LRRC19: variants seen among roughly 807,000 people sequenced by gnomAD.
LRRC19 encodes the protein leucine rich repeat containing 19, also known as leucine-rich repeat-containing protein 19.
In LRRC19, 33 loss-of-function variants were observed where a neutral mutation model predicts 33.3. The ratio of observed to expected loss-of-function variants is 0.99; its 90% CI spans 0.75 to 1.33. LRRC19 has a LOEUF of 1.33. LRRC19 is among the 40% of genes most tolerant of loss of function. LRRC19 has a pLI of 0.00. For missense variants in LRRC19, 463 were observed against 417.3 expected, an observed-to-expected ratio of 1.11 and a Z score of -0.95; for synonymous variants, 184 against 152.3, an observed-to-expected ratio of 1.21 and a Z score of -1.53.
intron 3 of LRRC19, among the ~76,000 whole-genome samples, chr9:26,997,068 C>T (rs946908712): frequency 2.6e-5 from 4 of 151,760 alleles, no homozygotes; most frequent in Non-Finnish European, 4.4e-5. Flanking sequence ...AAAAATTAGC[C>T]AGGCGTGGTG....
chr9:26,998,069 A>G lies in LRRC19; in HGVS notation c.254T>C (p.Val85Ala), dbSNP rs780014099. 3.1e-6 allele frequency: 5 copies of G among 1,613,466 alleles called. No homozygotes were observed. The East Asian group carries it at 8.9e-5, about 29-fold the overall frequency. Residue 85 changes from valine (V) to alanine (A), a missense_variant, in exon 3 of 5, where the codon GTT becomes GCT. Val to Ala is a moderately conservative substitution (Grantham distance 64, BLOSUM62 0). Transcript: ENST00000380055. ...AAAACCGTTATTATGTAAGATAGTA[A>G]CCTTGTTCTCAATCAAATAGAGCTC... ...LTELYLIENK[V>A]TILHNNGFGN...
chr9:26,996,461 G>A lies in LRRC19; in HGVS notation c.634C>T (p.Leu212=). 5 of 1,540,710 alleles carry A rather than the reference G, an allele frequency of 3.2e-6. No homozygotes were observed. Among genetic ancestry groups the A allele is most frequent in the Non-Finnish European group, 4.4e-6 (5 of 1,136,300 alleles). Reference sequence around the variant, plus strand: ...ACTGTTTTGATATTGTAGCTCTGCAGGCTGTTGGGGTAGCTACACATGGTG... The same window carrying A: ...ACTGTTTTGATATTGTAGCTCTGCAAGCTGTTGGGGTAGCTACACATGGTG... ...NITMCSYPNS[L]QSYNIKTVPH... The change falls in exon 4 of 5, where the codon CTG becomes TTG. Residue 212 remains leucine (L), a synonymous_variant. Transcript: ENST00000380055.
intron 4 of LRRC19, 49 bp downstream of exon 4, chr9:26,996,262 T>C (rs1828150020): frequency 9.4e-7 from 1 of 1,059,598 alleles, no homozygotes; most frequent in South Asian, 2.6e-5. Flanking sequence ...CCTCAGTTTA[T>C]TTAGTATGAT....
Position 26,996,330 on chromosome 9 carries a change from G to A in LRRC19, c.765C>T (p.Asn255=), listed in dbSNP as rs778748327. The change falls in exon 4 of 5, where the codon AAC becomes AAT. Residue 255 remains asparagine (N), a synonymous_variant. Transcript: ENST00000380055. The part of the protein sequence containing the change: ...ISNSIFNSSS[N]NLTRNSEHEP... ...TATTACCTGAATTTCTTGTTAAGTT[G>A]TTCGAAGAGCTATTAAATATTGAAT... The A allele has an allele frequency of 1.3e-6, 2 of 1,596,012 alleles. No individual in the cohort carries two copies. Among genetic ancestry groups the A allele is most frequent in the South Asian group, 1.1e-5 (1 of 88,550 alleles).
In LRRC19 at chr9:26,996,509, C is replaced by A; in HGVS notation, c.596-10G>T. 7.1e-7 allele frequency: 1 copy of A among 1,414,030 alleles called. No individual in the cohort carries two copies. Among genetic ancestry groups the A allele is most frequent in the Non-Finnish European group, 9.3e-7 (1 of 1,069,992 alleles). 87.6% of individuals were successfully genotyped at this position (1,414,030 alleles called of 1,614,324 possible). A position where few individuals can be genotyped will look rare whatever the true frequency, so the allele number is the denominator to read the frequency against. On this transcript the variant is annotated splice_polypyrimidine_tract_variant and intron_variant, in intron 3 of 4. Coordinates refer to ENST00000380055, the MANE Select transcript of LRRC19 (RefSeq NM_022901.3). ...GTGATGTTCTCATTTTCTAGTAAAT[C>A]AGAAAGAATAAGATTTAGTATAGAG...
At position 26,998,053 on chromosome 9, in the gene LRRC19, A is replaced by G. The variant is rs1028183081; in HGVS notation, c.270T>C (p.Asn90=). Residue 90 remains asparagine, a synonymous_variant, in exon 3 of 5, where the codon AAT becomes AAC. Coordinates refer to ENST00000380055, the MANE Select transcript of LRRC19 (RefSeq NM_022901.3). ...GACTGGAGAGGTTACCAAAACCGTT[A>G]TTATGTAAGATAGTAACCTTGTTCT... ...LIENKVTILH[N]NGFGNLSSLE... The G allele has an allele frequency of 2.0e-5, 33 of 1,613,466 alleles. No homozygotes were observed. Among genetic ancestry groups the G allele is most frequent in the Non-Finnish European group, 2.6e-5 (31 of 1,179,648 alleles).
intron 1 of LRRC19, among the ~76,000 whole-genome samples, chr9:27,002,091 G>C (rs1199221985): frequency 6.6e-6 from 1 of 152,164 alleles, no homozygotes; most frequent in Non-Finnish European, 1.5e-5. Context: ...AGAGAAGGAG[G>C]AAGAAAGAGC....
At chr9:27,005,238 CT>C (rs1828705539) in intron 1 of LRRC19, among the ~76,000 whole-genome samples, 3 of 146,346 alleles carry the variant, frequency 2.0e-5, no homozygotes, top group African/African-American at 7.5e-5. Flanking sequence ...CATGGCCAGT[CT>C]TTTTTTTATC....
intron 1 of LRRC19, among the ~76,000 whole-genome samples, chr9:27,001,704 A>G (rs1366170207): frequency 6.6e-6 from 1 of 151,960 alleles, no homozygotes; most frequent in Admixed American, 6.6e-5. Flanking sequence ...AGCTCTTTAT[A>G]TCTTCTGATT....
At chr9:26,996,932 C>T (rs895120555) in intron 3 of LRRC19, among the ~76,000 whole-genome samples, 7 of 152,068 alleles carry the variant, frequency 4.6e-5, no homozygotes, top group African/African-American at 7.2e-5. Flanking sequence ...CATTTCTGGC[C>T]GGGCGCAGAG....
At chr9:27,003,303 A>G (rs1828600801) in intron 1 of LRRC19, among the ~76,000 whole-genome samples, 1 of 151,966 alleles carries the variant, frequency 6.6e-6, no homozygotes, top group African/African-American at 2.4e-5. Flanking sequence ...CGGGCAGATC[A>G]CCTGAGGTCA....
In LRRC19 at chr9:26,994,588, T is replaced by A. The variant is rs1828049481; in HGVS notation, c.*933A>T. On this transcript the variant is annotated 3_prime_UTR_variant, in exon 5 of 5. Transcript: ENST00000380055. ...GAATCTTGTTTCACCTTGTTTAAAC[T>A]ACTAGTTTTTCCTGTAGTAATTTGA... The A allele has an allele frequency of 6.6e-6, 1 of 151,284 alleles. No individual in the cohort carries two copies. 9.4% of individuals were successfully genotyped at this position (151,284 alleles called of 1,614,324 possible). A position where few individuals can be genotyped will look rare whatever the true frequency, so the allele number is the denominator to read the frequency against.
In LRRC19 at chr9:26,995,781, G is replaced by A; in HGVS notation, c.853C>T (p.Leu285Phe). The stretch of plus-strand genomic sequence containing the variant: ...CATTTGATAGCAATAAAAATGAGAA[G>A]TGAAGTCGTCAGTACAGTGACAACA... Reference protein sequence around the residue: ...GVVVTVLTTSLLIFIAIKCPI... With the variant: ...GVVVTVLTTSFLIFIAIKCPI... The change falls in exon 5 of 5, where the codon CTT becomes TTT. Residue 285 changes from leucine to phenylalanine, a missense_variant. Transcript: ENST00000380055. 1 of 1,613,804 alleles carries A rather than the reference G, an allele frequency of 6.2e-7. No individual in the cohort carries two copies. The highest frequency in any genetic ancestry group is 8.5e-7 in the Non-Finnish European group (1 of 1,179,870).
chr9:27,003,478 A>G (rs1023591861), intron 1 of LRRC19, among the ~76,000 whole-genome samples: 2 of 152,114 alleles, frequency 1.3e-5, no homozygotes, highest in East Asian at 3.9e-4. Context: ...AGCCGTGATC[A>G]TGCCACTGTG....
chr9:27,002,677 A>G (rs529853715), intron 1 of LRRC19, among the ~76,000 whole-genome samples: 46 of 152,094 alleles, frequency 3.0e-4, no homozygotes, highest in African/African-American at 7.5e-4. Context: ...TACCATGCTG[A>G]TTTGGTTACT....
Position 26,996,334 on chromosome 9 carries a change from G to A in LRRC19, c.761C>T (p.Ser254Leu), listed in dbSNP as rs199558016. 57 of 1,597,528 alleles carry A rather than the reference G, an allele frequency of 3.6e-5. No homozygotes were observed. The highest frequency in any genetic ancestry group is 3.4e-5 in the Admixed American group (2 of 59,082). The change falls in exon 4 of 5, where the codon TCG (serine) becomes TTG (leucine). Residue 254 changes from serine (S) to leucine (L), a missense_variant. Ser to Leu is a moderately radical substitution (Grantham distance 145). Coordinates refer to ENST00000380055, the MANE Select transcript of LRRC19 (RefSeq NM_022901.3). The part of the protein sequence containing the change: ...PISNSIFNSS[S>L]NNLTRNSEHE... ...ACCTGAATTTCTTGTTAAGTTGTTC[G>A]AAGAGCTATTAAATATTGAATTGCT...
In LRRC19 at chr9:26,996,425, C is replaced by G; in HGVS notation, c.670G>C (p.Ala224Pro). 6.2e-7 allele frequency: 1 copy of G among 1,605,978 alleles called. No homozygotes were observed. The highest frequency in any genetic ancestry group is 2.2e-5 in the East Asian group (1 of 44,666). ...SYNIKTVPHK[A>P]ECHSKFPSSV... ...GAAGGAAATTTTGAGTGGCATTCAG[C>G]CTTATGAGGTACTGTTTTGATATTG... is the stretch of plus-strand genomic sequence containing the variant. The change falls in exon 4 of 5, where the codon GCT (alanine) becomes CCT (proline). Residue 224 changes from alanine to proline, a missense_variant. Coordinates refer to ENST00000380055, the MANE Select transcript of LRRC19 (RefSeq NM_022901.3).
chr9:27,005,639 CTG>C lies in LRRC19; in HGVS notation c.-59_-58del, dbSNP rs1828737560. ...ACTTGTGTGCTAAAGGAAATTAACTCTGTTTCAACGGCATTAAAAAAAGTACA... is the reference window on the plus strand; with the variant it reads ...ACTTGTGTGCTAAAGGAAATTAACTCTTTCAACGGCATTAAAAAAAGTACA... On this transcript the variant is annotated 5_prime_UTR_variant, in exon 1 of 5. An upstream open reading frame in the 5' UTR loses its in-frame stop. Transcript: ENST00000380055. The C allele has an allele frequency of 6.6e-6, 1 of 151,362 alleles. No individual in the cohort carries two copies. The highest frequency in any genetic ancestry group is 1.5e-5 in the Non-Finnish European group (1 of 67,918). 9.4% of individuals were successfully genotyped at this position (151,362 alleles called of 1,614,324 possible). A position where few individuals can be genotyped will look rare whatever the true frequency, so the allele number is the denominator to read the frequency against.
At position 26,999,620 on chromosome 9, in the gene LRRC19, A is replaced by G. The variant is rs780665795; in HGVS notation, c.75T>C (p.Ser25=). The G allele has an allele frequency of 1.1e-5, 18 of 1,595,422 alleles. No homozygotes were observed. Among genetic ancestry groups the G allele is most frequent in the Non-Finnish European group, 1.7e-6 (2 of 1,168,768 alleles). The change falls in exon 2 of 5, where the codon TCT becomes TCC. Residue 25 remains serine (S), a synonymous_variant. Transcript: ENST00000380055. The stretch of plus-strand genomic sequence containing the variant: ...TTTGATTGTAAAAACTTACTCTTTT[A>G]GAAGACTGGATTTTGTCTGATAATA... ...MILLSDKIQS[S]KREVQCNFTE...
Sources: gnomAD v4.1 joint callset for allele counts (sites outside exome capture counted in the v4.1 genomes callset) on GRCh38, gnomAD v4.1.1 for gene constraint, MANE v1.5 for transcripts, NCBI Gene and HGNC (gene_info 2026-07-23, HGNC 2026-07-21) for gene names.